The following TRIM56 variants were observed in gnomAD, a reference collection of about 807,000 sequenced individuals.
TRIM56 encodes the protein tripartite motif containing 56.
Under a neutral mutation model 17.1 loss-of-function variants are expected in TRIM56, and 10 were observed. That is an observed-to-expected ratio of 0.58 (90% CI 0.36 to 0.99). The LOEUF (loss-of-function observed/expected upper bound fraction) is 0.99, where lower values mean the gene tolerates loss of function less well. Ranked by LOEUF, TRIM56 falls within the 50% of genes least tolerant of loss-of-function variation. The pLI is 0.01. For missense variants in TRIM56, 923 were observed against 1,052.3 expected (o/e 0.88, Z 1.70); for synonymous variants, 503 against 473.5 (o/e 1.06, Z -0.81).
At position 101,091,979 on chromosome 7, in the gene TRIM56, G is replaced by C. The variant is rs1430044945; in HGVS notation, c.*2399G>C. On this transcript the variant is annotated 3_prime_UTR_variant, in exon 3 of 3. Coordinates refer to ENST00000306085, the MANE Select transcript of TRIM56 (RefSeq NM_030961.3). ...GTTTTCGTATTTTTTTGGTGGAGACGGGGTTTCACTGTGTTGGCCGGGCTG... is the reference window on the plus strand; with the variant it reads ...GTTTTCGTATTTTTTTGGTGGAGACCGGGTTTCACTGTGTTGGCCGGGCTG... The C allele has an allele frequency of 9.6e-6, 3 of 312,656 alleles. No homozygotes were observed. Among genetic ancestry groups the C allele is most frequent in the African/African-American group, 4.6e-5 (2 of 43,646 alleles). 19.4% of individuals were successfully genotyped at this position (312,656 alleles called of 1,614,324 possible).
Position 101,087,941 on chromosome 7 carries a change from G to A in TRIM56, c.629G>A (p.Arg210His), listed in dbSNP as rs755369296. 64 of 1,599,456 alleles carry A rather than the reference G, an allele frequency of 4.0e-5. No homozygotes were observed. The highest frequency in any genetic ancestry group is 5.4e-5 in the Non-Finnish European group (64 of 1,177,446). The change falls in exon 3 of 3, where the codon CGT (arginine) becomes CAT (histidine). Residue 210 changes from arginine (R) to histidine (H), a missense_variant. Coordinates refer to ENST00000306085, the MANE Select transcript of TRIM56 (RefSeq NM_030961.3). ...HPCLPLAEAV[R>H]ARRPGLEGLL... ...TGCCTGCCTCTGGCTGAAGCTGTGC[G>A]TGCCCGGAGGCCGGGCCTGGAGGGA... is the stretch of plus-strand genomic sequence containing the variant.
At position 101,091,802 on chromosome 7, in the gene TRIM56, T is replaced by A. The variant is rs1795570278; in HGVS notation, c.*2222T>A. On this transcript the variant is annotated 3_prime_UTR_variant, in exon 3 of 3. Coordinates refer to ENST00000306085, the MANE Select transcript of TRIM56 (RefSeq NM_030961.3). ...CCTCTCCCCACGGTCTCCCTCTGCCTCTCTTTCCATGGTCACGGTCTCCCT... is the reference window on the plus strand; with the variant it reads ...CCTCTCCCCACGGTCTCCCTCTGCCACTCTTTCCATGGTCACGGTCTCCCT... 1 of 427,204 alleles carries A rather than the reference T, an allele frequency of 2.3e-6. No homozygotes were observed. The highest frequency in any genetic ancestry group is 4.6e-6 in the Non-Finnish European group (1 of 218,392). 26.5% of individuals were successfully genotyped at this position (427,204 alleles called of 1,614,324 possible).
rs963763863 is a variant in TRIM56 at position 101,090,152 on chromosome 7, C to G, written c.*572C>G. 2 of 167,280 alleles carry G rather than the reference C, an allele frequency of 1.2e-5. No homozygotes were observed. Among genetic ancestry groups the G allele is most frequent in the Non-Finnish European group, 1.5e-5 (1 of 68,296 alleles). 10.4% of individuals were successfully genotyped at this position (167,280 alleles called of 1,614,324 possible). A position where few individuals can be genotyped will look rare whatever the true frequency, so the allele number is the denominator to read the frequency against. On this transcript the variant is annotated 3_prime_UTR_variant, in exon 3 of 3. Transcript: ENST00000306085. ...ATCACGGCATCCCCCGGCGGTAGTA[C>G]AGGGTGAGCTTGCAGGAGGGTCTGC...
Position 101,087,492 on chromosome 7 carries a change from C to T in TRIM56, c.180C>T (p.Arg60=), listed in dbSNP as rs369331003. Residue 60 remains arginine (R), a synonymous_variant, in exon 3 of 3, where the codon CGC becomes CGT. Coordinates refer to ENST00000306085, the MANE Select transcript of TRIM56 (RefSeq NM_030961.3). ...DGGRVRCPEC[R]ETVPVPPEGV... ...GCCGCGTCCGCTGCCCCGAGTGCCG[C>T]GAGACAGTGCCTGTGCCGCCCGAGG... 11 of 1,613,440 alleles carry T rather than the reference C, an allele frequency of 6.8e-6. No individual in the cohort carries two copies. In the African/African-American group the frequency reaches 9.3e-5, roughly 14 times the overall value.
At position 101,091,765 on chromosome 7, in the gene TRIM56, C is replaced by T. The variant is rs867308237; in HGVS notation, c.*2185C>T. 2.3e-6 allele frequency: 1 copy of T among 442,794 alleles called. No homozygotes were observed. Among genetic ancestry groups the T allele is most frequent in the East Asian group, 7.0e-5 (1 of 14,284 alleles). The allele number at this position is 442,794 out of a possible 1,614,324, so 27.4% of individuals were successfully genotyped here. On this transcript the variant is annotated 3_prime_UTR_variant, in exon 3 of 3. Transcript: ENST00000306085. ...AAAGAAAAGAAAGAAAACCAAGGTC[C>T]CTCTCCCTCTCCCTCTCCCCACGGT...
rs576426651 is a variant in TRIM56, at chr7:101,093,340, TA to T, written c.*3779del. ...CACCCAAGAATGATCAATAAAAAATTAAAAAAAAAAAAAAAAAAAGAAAACC... is the reference window on the plus strand; with the variant it reads ...CACCCAAGAATGATCAATAAAAAATTAAAAAAAAAAAAAAAAAAGAAAACC... On this transcript the variant is annotated 3_prime_UTR_variant, in exon 3 of 3. Coordinates refer to ENST00000306085, the MANE Select transcript of TRIM56 (RefSeq NM_030961.3). The T allele has an allele frequency of 0.17, 15,004 of 90,830 alleles. 1,020 individuals are homozygous for T. Among genetic ancestry groups the T allele is most frequent in the East Asian group, 0.33 (1,297 of 3,934 alleles). The allele number at this position is 90,830 out of a possible 1,614,324, so 5.6% of individuals were successfully genotyped here.
In TRIM56 at chr7:101,094,372, T is replaced by A. The variant is rs1050619217; in HGVS notation, c.*4792T>A. 3.3e-5 allele frequency: 5 copies of A among 152,258 alleles called. No homozygotes were observed. Among genetic ancestry groups the A allele is most frequent in the African/African-American group, 1.2e-4 (5 of 41,570 alleles). The allele number at this position is 152,258 out of a possible 1,614,324, so 9.4% of individuals were successfully genotyped here. ...TTGGGGTTTTTTTTGTTTTGTTTTT[T>A]GTTTGTTTTTCATTATTTTGTGCTA... On this transcript the variant is annotated 3_prime_UTR_variant, in exon 3 of 3. Coordinates refer to ENST00000306085, the MANE Select transcript of TRIM56 (RefSeq NM_030961.3).
rs1795591166 is a variant in TRIM56 at position 101,092,627 on chromosome 7, GGGTC to G, written c.*3048_*3051del. ...CCGCGCCGTCCGGGAGGGAGGTGGG[GGGTC>G]AGCCCCCGCCCGGCCAGCCGCGCCT... is the stretch of plus-strand genomic sequence containing the variant. On this transcript the variant is annotated 3_prime_UTR_variant, in exon 3 of 3. Transcript: ENST00000306085. 8.3e-6 allele frequency: 1 copy of G among 120,506 alleles called. No individual in the cohort carries two copies. The highest frequency in any genetic ancestry group is 4.5e-5 in the African/African-American group (1 of 22,052). 7.5% of individuals were successfully genotyped at this position (120,506 alleles called of 1,614,324 possible).
chr7:101,088,669 A>C lies in TRIM56; in HGVS notation c.1357A>C (p.Arg453=). Residue 453 remains arginine, a synonymous_variant, in exon 3 of 3, where the codon AGG becomes CGG. Transcript: ENST00000306085. ...CGAGGATGGAGGACCCCAGCCCCAC[A>C]GGGGTGGCAGACCCAACAAGAAGAA... ...PHEDGGPQPH[R]GGRPNKKKKF... The C allele has an allele frequency of 6.2e-7, 1 of 1,614,066 alleles. No homozygotes were observed. Among genetic ancestry groups the C allele is most frequent in the Non-Finnish European group, 8.5e-7 (1 of 1,179,942 alleles).
rs1242165228 is a variant in TRIM56 at position 101,095,909 on chromosome 7, A to G, written c.*6329A>G. 6.6e-6 allele frequency: 1 copy of G among 152,140 alleles called. No individual in the cohort carries two copies. Among genetic ancestry groups the G allele is most frequent in the African/African-American group, 2.4e-5 (1 of 41,430 alleles). The allele number at this position is 152,140 out of a possible 1,614,324, so 9.4% of individuals were successfully genotyped here. A position where few individuals can be genotyped will look rare whatever the true frequency, so the allele number is the denominator to read the frequency against. On this transcript the variant is annotated 3_prime_UTR_variant, in exon 3 of 3. Coordinates refer to ENST00000306085, the MANE Select transcript of TRIM56 (RefSeq NM_030961.3). ...GAGTTCCCAGTTATATCGCAGATAC[A>G]AAGAGACCAGGAACACGCTTGTAAT...
At position 101,088,964 on chromosome 7, in the gene TRIM56, C is replaced by T. The variant is rs1398634946; in HGVS notation, c.1652C>T (p.Ser551Phe). 1 of 1,612,560 alleles carries T rather than the reference C, an allele frequency of 6.2e-7. No individual in the cohort carries two copies. Among genetic ancestry groups the T allele is most frequent in the Non-Finnish European group, 8.5e-7 (1 of 1,180,028 alleles). Residue 551 changes from serine to phenylalanine, a missense_variant, in exon 3 of 3, where the codon TCC (serine) becomes TTC (phenylalanine). Physicochemically the swap from Ser to Phe is radical, Grantham distance 155. Coordinates refer to ENST00000306085, the MANE Select transcript of TRIM56 (RefSeq NM_030961.3). ...KGTVPVPEGC[S>F]PCSVAALQSA... ...ACCGTGCCGGTCCCTGAGGGCTGCTCCCCTTGCAGCGTGGCCGCCCTGCAG... is the reference window on the plus strand; with the variant it reads ...ACCGTGCCGGTCCCTGAGGGCTGCTTCCCTTGCAGCGTGGCCGCCCTGCAG...
rs1263286686 is a variant in TRIM56 at position 101,091,720 on chromosome 7, T to C, written c.*2140T>C. 4.5e-6 allele frequency: 2 copies of C among 447,222 alleles called. No individual in the cohort carries two copies. The highest frequency in any genetic ancestry group is 4.9e-5 in the Admixed American group (2 of 41,186). 27.7% of individuals were successfully genotyped at this position (447,222 alleles called of 1,614,324 possible). A position where few individuals can be genotyped will look rare whatever the true frequency, so the allele number is the denominator to read the frequency against. On this transcript the variant is annotated 3_prime_UTR_variant, in exon 3 of 3. Coordinates refer to ENST00000306085, the MANE Select transcript of TRIM56 (RefSeq NM_030961.3). Reference sequence around the variant, plus strand: ...CCAGCCTGGGTAACAAGAATGAAACTCCATCTCAAAAAAAAAGAAAAAGAA... The same window carrying C: ...CCAGCCTGGGTAACAAGAATGAAACCCCATCTCAAAAAAAAAGAAAAAGAA...
Position 101,088,546 on chromosome 7 carries a change from G to A in TRIM56, c.1234G>A (p.Ala412Thr). The change falls in exon 3 of 3, where the codon GCT (alanine) becomes ACT (threonine). Residue 412 changes from alanine to threonine, a missense_variant. Ala to Thr is a moderately conservative substitution (Grantham distance 58). This residue lies in a region of TRIM56 where 643 missense variants were observed against 665.6 expected (regional missense o/e 0.97). Transcript: ENST00000306085. ...GAGACAGGGTGGAGTCCAGCCCCAG[G>A]CTGGAGATGGAGCCCAGACCCCAAA... ...TERQGGVQPQ[A>T]GDGAQTPKEE... 1 of 1,613,824 alleles carries A rather than the reference G, an allele frequency of 6.2e-7. No homozygotes were observed. The highest frequency in any genetic ancestry group is 8.5e-7 in the Non-Finnish European group (1 of 1,179,862).
chr7:101,088,319 A>C lies in TRIM56; in HGVS notation c.1007A>C (p.Gln336Pro). ...ATCGCACAGCGGCTCAGGCAGCTGC[A>C]GGGCTGCCCCTGGGCACCAGGCCCG... ...GAIAQRLRQLQGCPWAPGPAP... is the reference protein window; with the variant it reads ...GAIAQRLRQLPGCPWAPGPAP... The change falls in exon 3 of 3, where the codon CAG becomes CCG. Residue 336 changes from glutamine (Q) to proline (P), a missense_variant. By Grantham distance (76) the Gln-to-Pro change is moderately conservative (BLOSUM62 -1). Transcript: ENST00000306085. The C allele has an allele frequency of 6.5e-7, 1 of 1,526,800 alleles. No homozygotes were observed. Among genetic ancestry groups the C allele is most frequent in the Non-Finnish European group, 8.8e-7 (1 of 1,141,970 alleles). The allele number at this position is 1,526,800 out of a possible 1,614,324, so 94.6% of individuals were successfully genotyped here.
rs1795612891 is a variant in TRIM56, at chr7:101,093,527, A to AT, written c.*3949dup. 1 of 145,438 alleles carries AT rather than the reference A, an allele frequency of 6.9e-6. No individual in the cohort carries two copies. Among genetic ancestry groups the AT allele is most frequent in the African/African-American group, 2.7e-5 (1 of 37,700 alleles). The allele number at this position is 145,438 out of a possible 1,614,324, so 9.0% of individuals were successfully genotyped here. Reference sequence around the variant, plus strand: ...ACTAGTAAAATAAAAAATAATAATAATTAAAAAAAAAAAAAAGAAAGGCTG... The same window carrying AT: ...ACTAGTAAAATAAAAAATAATAATAATTTAAAAAAAAAAAAAAGAAAGGCTG... On this transcript the variant is annotated 3_prime_UTR_variant, in exon 3 of 3. Coordinates refer to ENST00000306085, the MANE Select transcript of TRIM56 (RefSeq NM_030961.3).
At position 101,092,181 on chromosome 7, in the gene TRIM56, C is replaced by G. The variant is rs957048155; in HGVS notation, c.*2601C>G. 10 of 220,498 alleles carry G rather than the reference C, an allele frequency of 4.5e-5. No individual in the cohort carries two copies. The highest frequency in any genetic ancestry group is 7.2e-5 in the Non-Finnish European group (8 of 111,184). The allele number at this position is 220,498 out of a possible 1,614,324, so 13.7% of individuals were successfully genotyped here. A position where few individuals can be genotyped will look rare whatever the true frequency, so the allele number is the denominator to read the frequency against. ...CGCCCGCCTTGGCCTCCCAAAGTGC[C>G]GAGATTACAGCCTCTGCCCGGCCGC... On this transcript the variant is annotated 3_prime_UTR_variant, in exon 3 of 3. Coordinates refer to ENST00000306085, the MANE Select transcript of TRIM56 (RefSeq NM_030961.3).
chr7:101,087,739 AC>A lies in TRIM56; in HGVS notation c.430del (p.His144ThrfsTer51). ...DGHRCTRQTH[T>X]HRVVDLVGYR... is the part of the protein sequence containing the mutation. ...GCACCGCTGCACCCGCCAGACCCACACCCACCGCGTGGTGGACCTGGTGGGC... is the reference window on the plus strand; with the variant it reads ...GCACCGCTGCACCCGCCAGACCCACACCACCGCGTGGTGGACCTGGTGGGC... On this transcript the variant is annotated frameshift_variant, in exon 3 of 3. Transcript: ENST00000306085. LOFTEE classifies it low-confidence loss of function (END_TRUNC). The A allele has an allele frequency of 6.2e-7, 1 of 1,601,810 alleles. No individual in the cohort carries two copies. The highest frequency in any genetic ancestry group is 8.5e-7 in the Non-Finnish European group (1 of 1,175,328).
Position 101,097,151 on chromosome 7 carries a change from G to C in TRIM56, c.*7571G>C, listed in dbSNP as rs969576540. 1 of 152,218 alleles carries C rather than the reference G, an allele frequency of 6.6e-6. No homozygotes were observed. Among genetic ancestry groups the C allele is most frequent in the Admixed American group, 6.5e-5 (1 of 15,274 alleles). The allele number at this position is 152,218 out of a possible 1,614,324, so 9.4% of individuals were successfully genotyped here. On this transcript the variant is annotated 3_prime_UTR_variant, in exon 3 of 3. Coordinates refer to ENST00000306085, the MANE Select transcript of TRIM56 (RefSeq NM_030961.3). ...CGAAAGTCCAAGGCAGAAGTCAAAA[G>C]TTTTGCAAGGAAACCGATGAGGTTG...
Position 101,089,538 on chromosome 7 carries a change from C to A in TRIM56, c.2226C>A (p.Asn742Lys), listed in dbSNP as rs773008089. 1 of 1,614,094 alleles carries A rather than the reference C, an allele frequency of 6.2e-7. No homozygotes were observed. Among genetic ancestry groups the A allele is most frequent in the South Asian group, 1.1e-5 (1 of 91,086 alleles). Reference sequence around the variant, plus strand: ...GGTACCTGGTCGTGTCCCTCAGTAACGGGACCATCCACATCTTTCGGGTCC... The same window carrying A: ...GGTACCTGGTCGTGTCCCTCAGTAAAGGGACCATCCACATCTTTCGGGTCC... ...DGRYLVVSLSNGTIHIFRVRS... is the reference protein window; with the variant it reads ...DGRYLVVSLSKGTIHIFRVRS... The change falls in exon 3 of 3, where the codon AAC (asparagine) becomes AAA (lysine). Residue 742 changes from asparagine to lysine, a missense_variant. Coordinates refer to ENST00000306085, the MANE Select transcript of TRIM56 (RefSeq NM_030961.3).
Sources: gnomAD v4.1 joint callset for allele counts on GRCh38, gnomAD v4.1.1 for gene constraint, gnomAD v4.1.1 regional missense constraint, MANE v1.5 for transcripts, NCBI Gene and HGNC (gene_info 2026-07-23, HGNC 2026-07-21) for gene names.